The following OXR1 variants were observed in gnomAD, a reference collection of about 807,000 sequenced individuals.
OXR1 encodes oxidation resistance 1.
OXR1 carries 41 observed loss-of-function variants against 104.6 expected under a neutral mutation model. That is an observed-to-expected ratio of 0.39 (90% CI 0.31 to 0.51). The LOEUF (loss-of-function observed/expected upper bound fraction) is 0.51, where lower values mean the gene tolerates loss of function less well. Ranked by LOEUF, OXR1 falls within the 20% of genes least tolerant of loss-of-function variation. The probability of loss-of-function intolerance (pLI) is 0.77; values close to 1 mark genes in which losing one functional copy is unlikely to be tolerated. For missense variants in OXR1, 955 were observed against 1,031.9 expected, an observed-to-expected ratio of 0.93 and a Z score of 1.02; for synonymous variants, 348 against 348.4, an observed-to-expected ratio of 1.00 and a Z score of 0.01.
At chr8:106,499,365 G>A (rs568084204) in intron 2 of OXR1, among the ~76,000 whole-genome samples, 1 of 152,240 alleles carries the variant, frequency 6.6e-6, no homozygotes, top group African/African-American at 2.4e-5. Context: ...GTTGATGAGG[G>A]TCCTCCTAAG....
intron 11 of OXR1, among the ~76,000 whole-genome samples, chr8:106,724,660 T>C (rs11993732): frequency 0.025 from 3,860 of 152,294 alleles, 63 homozygotes; most frequent in East Asian, 0.039. Context: ...CCAGGTGATA[T>C]TGATGCCGGC....
chr8:106,735,945 G>A (rs1388856498), intron 11 of OXR1, among the ~76,000 whole-genome samples: 1 of 152,066 alleles, frequency 6.6e-6, no homozygotes, highest in Non-Finnish European at 1.5e-5. Flanking sequence ...AGGCTCTTTG[G>A]CCATTATCAT....
At position 106,395,384 on chromosome 8, in the gene OXR1, G is replaced by A. The variant is rs556729821; in HGVS notation, c.23+35748G>A. The stretch of plus-strand genomic sequence containing the variant: ...GGACTTACAGTTCCACATGGCTGGG[G>A]AGGCCTCAGAATCATCATGGGAGGT... On this transcript the variant is annotated intron_variant, in intron 2 of 16. Transcript: ENST00000517566. 2.0e-5 allele frequency among the ~76,000 whole-genome samples: 3 copies of A among 152,264 alleles called. No individual in the cohort carries two copies. The East Asian group carries it at 5.8e-4, about 29-fold the overall frequency.
intron 3 of OXR1, among the ~76,000 whole-genome samples, chr8:106,635,915 A>G (rs980258708): frequency 6.6e-6 from 1 of 152,220 alleles, no homozygotes; most frequent in Non-Finnish European, 1.5e-5. Flanking sequence ...AAGACTTAAA[A>G]AACTTTCAAG....
chr8:106,373,751 G>C (rs1816801882), intron 2 of OXR1, among the ~76,000 whole-genome samples: 1 of 152,034 alleles, frequency 6.6e-6, no homozygotes, highest in Admixed American at 6.6e-5. Flanking sequence ...CATCACACCT[G>C]GCTAGTTTCT....
intron 11 of OXR1, 35 bp downstream of exon 11, chr8:106,714,020 T>C (rs1445127179): frequency 6.7e-7 from 1 of 1,490,670 alleles, no homozygotes; most frequent in African/African-American, 1.4e-5. Context: ...TAGTCATCTT[T>C]TTAGTTTGTA....
intron 11 of OXR1, among the ~76,000 whole-genome samples, chr8:106,722,121 A>G (rs911840568): frequency 1.3e-5 from 2 of 152,166 alleles, no homozygotes; most frequent in African/African-American, 4.8e-5. Context: ...TTTATTAAAC[A>G]TATGTTTTCT....
At chr8:106,722,070 T>A (rs1312769283) in intron 11 of OXR1, among the ~76,000 whole-genome samples, 2 of 152,216 alleles carry the variant, frequency 1.3e-5, no homozygotes, top group Non-Finnish European at 2.9e-5. Flanking sequence ...GTTAATATCT[T>A]ATTTCCTAAG....
intron 15 of OXR1, among the ~76,000 whole-genome samples, chr8:106,743,681 A>G (rs144798414): frequency 6.6e-6 from 1 of 152,308 alleles, no homozygotes; most frequent in Non-Finnish European, 1.5e-5. Context: ...GTTGTAGAAG[A>G]CAGTGTGGCA....
At chr8:106,374,640 C>T (rs539108327) in intron 2 of OXR1, among the ~76,000 whole-genome samples, 1 of 152,212 alleles carries the variant, frequency 6.6e-6, no homozygotes, top group South Asian at 2.1e-4. Flanking sequence ...GAACATTTTC[C>T]TTTGATCTAG....
chr8:106,354,004 T>C (rs933264542), intron 1 of OXR1, among the ~76,000 whole-genome samples: 2 of 152,206 alleles, frequency 1.3e-5, no homozygotes, highest in African/African-American at 2.4e-5. Flanking sequence ...TGTCTTTTTG[T>C]TCCTGGCTGA....
At chr8:106,310,422 TCTG>T (rs1430338306) in intron 1 of OXR1, among the ~76,000 whole-genome samples, 1 of 152,182 alleles carries the variant, frequency 6.6e-6, no homozygotes, top group Non-Finnish European at 1.5e-5. Flanking sequence ...GCTCTGTAAT[TCTG>T]CTGCGCCACT....
chr8:106,355,436 G>T (rs1245455985), intron 1 of OXR1, among the ~76,000 whole-genome samples: 1 of 151,592 alleles, frequency 6.6e-6, no homozygotes, highest in Non-Finnish European at 1.5e-5. Flanking sequence ...CCCAATACAG[G>T]GTTTTTTAAA....
Position 106,298,141 on chromosome 8 carries a change from A to T in OXR1, c.-139+27774A>T, listed in dbSNP as rs572775746. Among the ~76,000 whole-genome samples, 7 of 152,224 alleles carry T rather than the reference A, an allele frequency of 4.6e-5. No homozygotes were observed. The South Asian group carries it at 6.2e-4, about 14-fold the overall frequency. On this transcript the variant is annotated intron_variant, in intron 1 of 16. Transcript: ENST00000517566. ...GCTTATTTATGCATAACAAGTAGGG[A>T]TGGGGGAAAAATAAGTCCTTACAAT... is the stretch of plus-strand genomic sequence containing the variant.
intron 2 of OXR1, among the ~76,000 whole-genome samples, chr8:106,431,961 T>G (rs1204046347): frequency 1.3e-5 from 2 of 152,188 alleles, no homozygotes; most frequent in Non-Finnish European, 2.9e-5. Flanking sequence ...GTTGAATTTG[T>G]GTATATTTTT....
At chr8:106,609,390 G>T (rs549262128) in intron 3 of OXR1, among the ~76,000 whole-genome samples, 1 of 152,124 alleles carries the variant, frequency 6.6e-6, no homozygotes, top group Non-Finnish European at 1.5e-5. Flanking sequence ...TAATCACATA[G>T]TAGCTTTGCC....
chr8:106,728,609 G>A (rs1412719354), intron 11 of OXR1, among the ~76,000 whole-genome samples: 1 of 152,106 alleles, frequency 6.6e-6, no homozygotes, highest in Non-Finnish European at 1.5e-5. Flanking sequence ...TATTGATCAA[G>A]CATGCTTAAG....
At chr8:106,355,643 C>A (rs1002959079) in intron 1 of OXR1, among the ~76,000 whole-genome samples, 1 of 151,754 alleles carries the variant, frequency 6.6e-6, no homozygotes, top group African/African-American at 2.4e-5. Flanking sequence ...TATGAATGGT[C>A]ACTATAAATT....
Position 106,706,734 on chromosome 8 carries a change from G to A in OXR1, c.1213G>A (p.Val405Ile). Residue 405 changes from valine (V) to isoleucine (I), a missense_variant, in exon 9 of 17, where the codon GTT becomes ATT. By Grantham distance (29) the Val-to-Ile change is conservative (BLOSUM62 3). This residue lies in a region of OXR1 where 849 missense variants were observed against 852.9 expected (regional missense o/e 1.00). Transcript: ENST00000517566. ...TGATACTGAACATTCTACAAATGAAGTTGGGACTTTATGTCATAAAACTGA... is the reference window on the plus strand; with the variant it reads ...TGATACTGAACATTCTACAAATGAAATTGGGACTTTATGTCATAAAACTGA... The part of the protein sequence containing the change: ...RSDTEHSTNE[V>I]GTLCHKTDLN... The A allele has an allele frequency of 6.2e-7, 1 of 1,611,866 alleles. No homozygotes were observed. The highest frequency in any genetic ancestry group is 8.5e-7 in the Non-Finnish European group (1 of 1,179,468).
Sources: allele counts gnomAD v4.1 joint callset (sites outside exome capture counted in the v4.1 genomes callset), GRCh38; gene constraint gnomAD v4.1.1; regional missense constraint gnomAD v4.1.1; transcripts MANE v1.5; gene names NCBI Gene and HGNC (gene_info 2026-07-23, HGNC 2026-07-21).